The following MAF variants were observed in gnomAD, a reference collection of about 807,000 sequenced individuals.
MAF encodes transcription factor Maf.
A neutral mutation model predicts 22.0 loss-of-function variants in MAF; 10 were observed. That is an observed-to-expected ratio of 0.45 (90% CI 0.28 to 0.77). The LOEUF (loss-of-function observed/expected upper bound fraction) is 0.77. MAF is among the 30% of genes least tolerant of loss of function. MAF has a pLI of 0.12. For synonymous variants in MAF, 337 were observed against 255.8 expected, an observed-to-expected ratio of 1.32 and a Z score of -3.03; for missense variants, 544 against 548.4, an observed-to-expected ratio of 0.99 and a Z score of 0.08.
the MAF span, among the ~76,000 whole-genome samples, chr16:79,427,617 C>G: frequency 6.6e-6 from 1 of 152,052 alleles, no homozygotes; most frequent in South Asian, 2.1e-4. Flanking sequence ...TCCCTTACCC[C>G]GAAGGCCCTC....
At chr16:79,342,700 T>C in the MAF span, among the ~76,000 whole-genome samples, 7 of 152,168 alleles carry the variant, frequency 4.6e-5, no homozygotes, top group East Asian at 7.7e-4. Flanking sequence ...AACAATGAAA[T>C]AGATACAATA....
chr16:79,404,823 G>T, the MAF span, among the ~76,000 whole-genome samples: 1 of 152,138 alleles, frequency 6.6e-6, no homozygotes, highest in East Asian at 1.9e-4. Context: ...GGCAGCTAAT[G>T]AAGCAGCAAG....
chr16:79,577,614 C>G, the MAF span, among the ~76,000 whole-genome samples: 1 of 152,168 alleles, frequency 6.6e-6, no homozygotes, highest in Non-Finnish European at 1.5e-5. Flanking sequence ...TCACTGTCTT[C>G]TGCTCCACGG....
chr16:79,273,298 G>A, the MAF span, among the ~76,000 whole-genome samples: 1 of 152,184 alleles, frequency 6.6e-6, no homozygotes, highest in East Asian at 1.9e-4. Flanking sequence ...AGACAGTGCA[G>A]GGAAAGAGAA....
chr16:79,560,772 C>T, the MAF span, among the ~76,000 whole-genome samples: 1 of 152,146 alleles, frequency 6.6e-6, no homozygotes, highest in African/African-American at 2.4e-5. Flanking sequence ...CTTCTGAAAG[C>T]CCATTCACGT....
the MAF span, among the ~76,000 whole-genome samples, chr16:79,281,224 G>GAAAAA: frequency 7.0e-6 from 1 of 143,052 alleles, no homozygotes; most frequent in African/African-American, 2.6e-5. Flanking sequence ...GTTTCAATAT[G>GAAAAA]AAAAAAAAAA....
the MAF span, among the ~76,000 whole-genome samples, chr16:79,286,589 T>C: frequency 0.54 from 81,681 of 151,814 alleles, 24,229 homozygotes; most frequent in Non-Finnish European, 0.65. Context: ...CTTCTTTCAC[T>C]CACTTTTTTC....
At chr16:79,294,523 G>A in the MAF span, among the ~76,000 whole-genome samples, 3 of 152,184 alleles carry the variant, frequency 2.0e-5, no homozygotes, top group Non-Finnish European at 2.9e-5. Context: ...AGAATTTGAA[G>A]CTGTCTTGGA....
the MAF span, among the ~76,000 whole-genome samples, chr16:79,362,657 G>C: frequency 6.6e-6 from 1 of 152,206 alleles, no homozygotes; most frequent in African/African-American, 2.4e-5. Flanking sequence ...GGGTAGTCAA[G>C]TTAGATCTAA....
the MAF span, among the ~76,000 whole-genome samples, chr16:79,564,710 G>T: frequency 6.6e-6 from 1 of 152,214 alleles, no homozygotes; most frequent in African/African-American, 2.4e-5. Context: ...CAGTGTGGCT[G>T]TGGGGAAATC....
At chr16:79,532,809 C>G in the MAF span, among the ~76,000 whole-genome samples, 1 of 152,240 alleles carries the variant, frequency 6.6e-6, no homozygotes, top group Admixed American at 6.5e-5. Flanking sequence ...CCTCAGATAT[C>G]TTTGAAGGAG....
At chr16:79,292,719 G>GT in the MAF span, among the ~76,000 whole-genome samples, 1 of 152,056 alleles carries the variant, frequency 6.6e-6, no homozygotes, top group African/African-American at 2.4e-5. Flanking sequence ...AAGATACAGG[G>GT]TACAAAGACC....
At chr16:79,373,969 C>A in the MAF span, among the ~76,000 whole-genome samples, 9 of 152,196 alleles carry the variant, frequency 5.9e-5, no homozygotes, top group Non-Finnish European at 1.0e-4. Flanking sequence ...TTGTCCAACA[C>A]AGCAAGAGAA....
downstream of MAF, among the ~76,000 whole-genome samples, chr16:79,581,198 AC>A (rs1426000070): frequency 6.6e-6 from 1 of 152,196 alleles, no homozygotes; most frequent in African/African-American, 2.4e-5. Flanking sequence ...TGAAAGTTAA[AC>A]AGAAAATTCC....
At chr16:79,395,242 G>C in the MAF span, among the ~76,000 whole-genome samples, 1 of 152,194 alleles carries the variant, frequency 6.6e-6, no homozygotes, top group African/African-American at 2.4e-5. Context: ...AAACCAAGGA[G>C]CTGGATCATA....
At chr16:79,587,873 G>T (rs369691980) in intron 1 of MAF, among the ~76,000 whole-genome samples, 5 of 147,980 alleles carry the variant, frequency 3.4e-5, no homozygotes, top group Non-Finnish European at 1.5e-5. Flanking sequence ...TTCAAAAGGG[G>T]GGGGGGGGTA....
At chr16:79,352,822 G>A in the MAF span, among the ~76,000 whole-genome samples, 5 of 152,106 alleles carry the variant, frequency 3.3e-5, no homozygotes, top group African/African-American at 4.8e-5. Flanking sequence ...CCCAAGTTGT[G>A]ATTACCAAAA....
At chr16:79,249,891 C>T in the MAF span, among the ~76,000 whole-genome samples, 1 of 152,158 alleles carries the variant, frequency 6.6e-6, no homozygotes, top group South Asian at 2.1e-4. Flanking sequence ...ATAATGCTCA[C>T]TGCACGTAGC....
At chr16:79,253,333 T>A in the MAF span, among the ~76,000 whole-genome samples, 2 of 152,182 alleles carry the variant, frequency 1.3e-5, no homozygotes, top group Non-Finnish European at 2.9e-5. Context: ...CCGGGCCTTT[T>A]CCCTGGACTA....
Sources: allele counts gnomAD v4.1 joint callset (sites outside exome capture counted in the v4.1 genomes callset), GRCh38; gene constraint gnomAD v4.1.1; transcripts MANE v1.5; gene names NCBI Gene and HGNC (gene_info 2026-07-23, HGNC 2026-07-21).